Variants in CUTA observed in about 807,000 individuals in gnomAD.
CUTA encodes the protein cutA divalent cation tolerance homolog.
CUTA carries 21 observed loss-of-function variants against 20.7 expected under a neutral mutation model. The observed-to-expected ratio is 1.01, with a 90% CI of 0.72 to 1.46. CUTA has a LOEUF of 1.46. Among genes scored for constraint, CUTA ranks in the 40% most tolerant of loss-of-function variants. The pLI, the probability that CUTA is intolerant of heterozygous loss-of-function variation, is 0.00. For synonymous variants in CUTA, 99 were observed against 97.9 expected (o/e 1.01, Z -0.07); for missense variants, 231 against 226.8 (o/e 1.02, Z -0.12).
Position 33,417,577 on chromosome 6 carries a change from G to C in CUTA, c.161C>G (p.Ser54Trp), listed in dbSNP as rs761559765. 7.4e-6 allele frequency: 12 copies of C among 1,614,170 alleles called. No homozygotes were observed. In the East Asian group the frequency reaches 2.2e-4, roughly 30 times the overall value. ...GCCAGAGCCGGAATCCGAGGCCGGC[G>C]AGGGCTGGGTCGGAGGGCTTCCAGA... ...MASGSPPTQP[S>W]PASDSGSGYV... The change falls in exon 2 of 6, where the codon TCG becomes TGG. Residue 54 changes from serine (S) to tryptophan (W), a missense_variant. Transcript: ENST00000488034.
At chr6:33,417,041 G>A in intron 4 of CUTA, 56 bp downstream of exon 4, 1 of 1,612,726 alleles carries the variant, frequency 6.2e-7, no homozygotes, top group Non-Finnish European at 8.5e-7. Flanking sequence ...GAGGGGTAAG[G>A]GCTAAAGGGG....
In CUTA at chr6:33,417,492, C is replaced by T; in HGVS notation, c.246G>A (p.Lys82=). The T allele has an allele frequency of 6.2e-7, 1 of 1,614,146 alleles. No individual in the cohort carries two copies. Among genetic ancestry groups the T allele is most frequent in the African/African-American group, 1.3e-5 (1 of 75,034 alleles). Residue 82 remains lysine (K), a synonymous_variant, in exon 2 of 6, where the codon AAG becomes AAA. Coordinates refer to ENST00000488034, the MANE Select transcript of CUTA (RefSeq NM_001014840.2). The part of the protein sequence containing the change: ...FVTCPNEKVA[K]EIARAVVEKR... ...ATCGAGGTCCCTACCTGGCGATCTC[C>T]TTGGCGACCTTCTCGTTGGGGCAAG...
chr6:33,417,887 CTG>C (rs1776608661), intron 1 of CUTA, 70 bp downstream of exon 1: 1 of 1,573,106 alleles, frequency 6.4e-7, no homozygotes, highest in Admixed American at 1.9e-5. Flanking sequence ...GGGCCAACCT[CTG>C]GGATTTAGGG....
rs200427336 is a variant in CUTA at position 33,416,744 on chromosome 6, A to G, written c.446T>C (p.Ile149Thr). 4.0e-5 allele frequency: 65 copies of G among 1,614,006 alleles called. No individual in the cohort carries two copies. The highest frequency in any genetic ancestry group is 2.4e-4 in the African/African-American group (18 of 74,898). ...GTTCCCCTGTTCCACAGGCAATGCA[A>G]TTACCTCGGCCACTTCGTAAGGGTG... is the stretch of plus-strand genomic sequence containing the variant. ...SVHPYEVAEVIALPVEQGNFP... is the reference protein window; with the variant it reads ...SVHPYEVAEVTALPVEQGNFP... Residue 149 changes from isoleucine (I) to threonine (T), a missense_variant, in exon 6 of 6, where the codon ATT (isoleucine) becomes ACT (threonine). Physicochemically the swap from Ile to Thr is moderately conservative, Grantham distance 89. Coordinates refer to ENST00000488034, the MANE Select transcript of CUTA (RefSeq NM_001014840.2).
rs1442162907 is a variant in CUTA at position 33,417,127 on chromosome 6, C to A, written c.333G>T (p.Gly111=). ...PQITSIYEWK[G]KIEEDSEVLM... The stretch of plus-strand genomic sequence containing the variant: ...GCACCTCACTGTCTTCCTCGATCTT[C>A]CCTTTCCACTCATAGCTGAAAGGTC... Residue 111 remains glycine (G), a synonymous_variant, in exon 4 of 6, where the codon GGG becomes GGT. Coordinates refer to ENST00000488034, the MANE Select transcript of CUTA (RefSeq NM_001014840.2). The A allele has an allele frequency of 6.2e-7, 1 of 1,611,604 alleles. No homozygotes were observed.
At chr6:33,417,043 C>CT (rs763019026) in intron 4 of CUTA, 54 bp downstream of exon 4, 1 of 1,612,448 alleles carries the variant, frequency 6.2e-7, no homozygotes. Context: ...GGGGTAAGGG[C>CT]TAAAGGGGTC....
In CUTA at chr6:33,417,694, G is replaced by T; in HGVS notation, c.44C>A (p.Ala15Asp). ...CCAAACAAAAGACAGGAGCAGAGAG[G>T]CCTGAGAGCAGGAGGCGAATTCGAT... ...RAPAVLLGGV[A>D]SLLLSFVWMP... The change falls in exon 2 of 6, where the codon GCC becomes GAC. Residue 15 changes from alanine (A) to aspartate (D), a missense_variant and splice_region_variant. Physicochemically the swap from Ala to Asp is moderately radical, Grantham distance 126 (BLOSUM62 -2). Coordinates refer to ENST00000488034, the MANE Select transcript of CUTA (RefSeq NM_001014840.2). 1 of 1,602,412 alleles carries T rather than the reference G, an allele frequency of 6.2e-7. No homozygotes were observed. The highest frequency in any genetic ancestry group is 1.1e-5 in the South Asian group (1 of 90,606).
In CUTA at chr6:33,417,526, G is replaced by T. The variant is rs772138154; in HGVS notation, c.212C>A (p.Ala71Asp). 2 of 1,614,128 alleles carry T rather than the reference G, an allele frequency of 1.2e-6. No individual in the cohort carries two copies. The highest frequency in any genetic ancestry group is 1.1e-5 in the South Asian group (1 of 91,082). Residue 71 changes from alanine (A) to aspartate (D), a missense_variant, in exon 2 of 6, where the codon GCC (alanine) becomes GAC (aspartate). Coordinates refer to ENST00000488034, the MANE Select transcript of CUTA (RefSeq NM_001014840.2). ...SGYVPGSVSA[A>D]FVTCPNEKVA... ...CTTCTCGTTGGGGCAAGTAACAAAGGCTGCAGAGACCGAGCCCGGAACGTA... is the reference window on the plus strand; with the variant it reads ...CTTCTCGTTGGGGCAAGTAACAAAGTCTGCAGAGACCGAGCCCGGAACGTA...
intron 1 of CUTA, 57 bp from the exon 2 acceptor site, chr6:33,417,752 C>G: frequency 6.4e-7 from 1 of 1,554,654 alleles, no homozygotes; most frequent in Non-Finnish European, 8.7e-7. Flanking sequence ...AAATTACACC[C>G]GGGGAAGCCT....
In CUTA at chr6:33,417,641, G is replaced by A. The variant is rs747018021; in HGVS notation, c.97C>T (p.Arg33Cys). The A allele has an allele frequency of 1.2e-6, 2 of 1,613,248 alleles. No individual in the cohort carries two copies. The highest frequency in any genetic ancestry group is 1.7e-5 in the Admixed American group (1 of 59,992). ...WMPALLPVAS[R>C]LLLLPRVLLT... ...AAGACTCGGGGTAGCAACAAAAGGC[G>A]GGAGGCCACAGGCAGCAGCGCCGGC... The change falls in exon 2 of 6, where the codon CGC becomes TGC. Residue 33 changes from arginine (R) to cysteine (C), a missense_variant. By Grantham distance (180) the Arg-to-Cys change is radical. Coordinates refer to ENST00000488034, the MANE Select transcript of CUTA (RefSeq NM_001014840.2).
chr6:33,417,008 G>A (rs1042334285), intron 4 of CUTA, 39 bp from the exon 5 acceptor site: 6 of 1,613,122 alleles, frequency 3.7e-6, no homozygotes, highest in African/African-American at 2.7e-5. Context: ...TCAAGGAGTG[G>A]GATTGAGTTC....
At position 33,416,613 on chromosome 6, in the gene CUTA, T is replaced by C. The variant is rs149930961; in HGVS notation, c.*37A>G. On this transcript the variant is annotated 3_prime_UTR_variant, in exon 6 of 6. Transcript: ENST00000488034. ...CTGGAAGTCAGAAGGCGTTGAAGTATCGCGGGGATCTTCATGATGAGCAGG... is the reference window on the plus strand; with the variant it reads ...CTGGAAGTCAGAAGGCGTTGAAGTACCGCGGGGATCTTCATGATGAGCAGG... 4.6e-5 allele frequency: 56 copies of C among 1,208,484 alleles called. No individual in the cohort carries two copies. The African/African-American group carries it at 7.7e-4, about 17-fold the overall frequency. The allele number at this position is 1,208,484 out of a possible 1,614,324, so 74.9% of individuals were successfully genotyped here.
Position 33,416,900 on chromosome 6 carries a change from A to G in CUTA, c.413+20T>C. ...CCCACACAGTACACACCCTCACCCC[A>G]TCCATCTCAAAGTTCTCACCGAACA... is the stretch of plus-strand genomic sequence containing the variant. On this transcript the variant is annotated intron_variant, in intron 5 of 5. Coordinates refer to ENST00000488034, the MANE Select transcript of CUTA (RefSeq NM_001014840.2). 1.9e-6 allele frequency: 3 copies of G among 1,613,988 alleles called. No homozygotes were observed. Among genetic ancestry groups the G allele is most frequent in the East Asian group, 2.2e-5 (1 of 44,892 alleles).
At position 33,417,710 on chromosome 6, in the gene CUTA, C is replaced by G; in HGVS notation, c.43-15G>C. On this transcript the variant is annotated splice_polypyrimidine_tract_variant and intron_variant, in intron 1 of 5. Transcript: ENST00000488034. ...AGCAGAGAGGCCTGAGAGCAGGAGG[C>G]GAATTCGATCTCTCCTCACAAACAG... is the stretch of plus-strand genomic sequence containing the variant. The G allele has an allele frequency of 6.3e-7, 1 of 1,592,398 alleles. No homozygotes were observed. Among genetic ancestry groups the G allele is most frequent in the Non-Finnish European group, 8.5e-7 (1 of 1,171,310 alleles).
chr6:33,417,542 C>T lies in CUTA; in HGVS notation c.196G>A (p.Gly66Ser). The T allele has an allele frequency of 1.1e-5, 17 of 1,614,190 alleles. No homozygotes were observed. The highest frequency in any genetic ancestry group is 1.4e-5 in the Non-Finnish European group (17 of 1,180,046). Reference protein sequence around the residue: ...ASDSGSGYVPGSVSAAFVTCP... With the variant: ...ASDSGSGYVPSSVSAAFVTCP... ...GTAACAAAGGCTGCAGAGACCGAGC[C>T]CGGAACGTAGCCAGAGCCGGAATCC... Residue 66 changes from glycine to serine, a missense_variant, in exon 2 of 6, where the codon GGC becomes AGC. Coordinates refer to ENST00000488034, the MANE Select transcript of CUTA (RefSeq NM_001014840.2).
chr6:33,416,541 A>C lies in CUTA; in HGVS notation c.*109T>G, dbSNP rs952413735. 2 of 745,282 alleles carry C rather than the reference A, an allele frequency of 2.7e-6. No individual in the cohort carries two copies. Among genetic ancestry groups the C allele is most frequent in the Non-Finnish European group, 4.8e-6 (2 of 413,590 alleles). 46.2% of individuals were successfully genotyped at this position (745,282 alleles called of 1,614,324 possible). On this transcript the variant is annotated 3_prime_UTR_variant, in exon 6 of 6. Transcript: ENST00000488034. ...GCATACATGACAAAAAACAGGCAAA[A>C]GGCAGAGAGACCCAAAGACGGGATT...
chr6:33,417,835 C>T, intron 1 of CUTA, 124 bp downstream of exon 1: 1 of 1,544,936 alleles, frequency 6.5e-7, no homozygotes, highest in Non-Finnish European at 8.7e-7. Flanking sequence ...GAGAGAGAAA[C>T]TTGGAAAATA....
At position 33,417,700 on chromosome 6, in the gene CUTA, G is replaced by A. The variant is rs190067453; in HGVS notation, c.43-5C>T. The A allele has an allele frequency of 1.7e-4, 272 of 1,599,566 alleles. 2 individuals carry two copies. In the East Asian group the frequency reaches 5.8e-3, roughly 34 times the overall value. On this transcript the variant is annotated splice_region_variant and splice_polypyrimidine_tract_variant and intron_variant, in intron 1 of 5. Transcript: ENST00000488034. Reference sequence around the variant, plus strand: ...AAAAGACAGGAGCAGAGAGGCCTGAGAGCAGGAGGCGAATTCGATCTCTCC... The same window carrying A: ...AAAAGACAGGAGCAGAGAGGCCTGAAAGCAGGAGGCGAATTCGATCTCTCC...
Position 33,416,789 on chromosome 6 carries a change from T to C in CUTA, c.414-13A>G. ...AGGGTGCACAGAACTACAAAATAGG[T>C]GGGTGGGGGAAGGGGATCACTCAAA... On this transcript the variant is annotated splice_polypyrimidine_tract_variant and intron_variant, in intron 5 of 5. Coordinates refer to ENST00000488034, the MANE Select transcript of CUTA (RefSeq NM_001014840.2). 1 of 1,612,986 alleles carries C rather than the reference T, an allele frequency of 6.2e-7. No homozygotes were observed. The highest frequency in any genetic ancestry group is 8.5e-7 in the Non-Finnish European group (1 of 1,179,220).
Sources: gnomAD v4.1 joint callset for allele counts on GRCh38, gnomAD v4.1.1 for gene constraint, MANE v1.5 for transcripts, NCBI Gene and HGNC (gene_info 2026-07-23, HGNC 2026-07-21) for gene names.